The following CNTNAP2 variants were observed in gnomAD, a reference collection of about 807,000 sequenced individuals.
CNTNAP2 encodes contactin-associated protein-like 2.
CNTNAP2 carries 98 observed loss-of-function variants against 155.2 expected under a neutral mutation model. The ratio of observed to expected loss-of-function variants is 0.63; its 90% CI spans 0.54 to 0.75. CNTNAP2 has a LOEUF of 0.75. Among genes scored for constraint, CNTNAP2 ranks in the 30% least tolerant of loss-of-function variants. CNTNAP2 has a pLI of 0.00. For synonymous variants in CNTNAP2, 651 were observed against 631.2 expected, an observed-to-expected ratio of 1.03 and a Z score of -0.47; for missense variants, 1,727 against 1,688.1, an observed-to-expected ratio of 1.02 and a Z score of -0.40.
At chr7:147,378,197 T>C (rs1221816620) in intron 9 of CNTNAP2, 3 of 296,834 alleles carry the variant, frequency 1.0e-5, no homozygotes, top group African/African-American at 6.8e-5. Flanking sequence ...ACATTGTCGA[T>C]ATTCAATCTA....
intron 13 of CNTNAP2, among the ~76,000 whole-genome samples, chr7:147,735,304 C>T (rs190680722): frequency 2.8e-3 from 431 of 152,124 alleles, no homozygotes; most frequent in African/African-American, 9.9e-3. Context: ...AGGAGCAGGT[C>T]GTTCAGTTTC....
chr7:146,550,399 C>CTTTTTTTT (rs1584977002), intron 1 of CNTNAP2, among the ~76,000 whole-genome samples: 3 of 31,558 alleles, frequency 9.5e-5, no homozygotes, highest in African/African-American at 4.4e-4. Context: ...GTCCATTAAT[C>CTTTTTTTT]TGTTTTTTTT....
intron 8 of CNTNAP2, among the ~76,000 whole-genome samples, chr7:147,186,991 G>T (rs1802579861): frequency 1.0e-5 from 1 of 99,794 alleles, no homozygotes; most frequent in African/African-American, 2.7e-5. Flanking sequence ...AGAATGAGTG[G>T]AGCCTAAACA....
intron 21 of CNTNAP2, among the ~76,000 whole-genome samples, chr7:148,274,967 A>T (rs1796847106): frequency 6.6e-6 from 1 of 152,242 alleles, no homozygotes; most frequent in Non-Finnish European, 1.5e-5. Flanking sequence ...TCTCTGCTGC[A>T]TAGTATGTGT....
intron 16 of CNTNAP2, among the ~76,000 whole-genome samples, chr7:148,120,522 C>T (rs1328026406): frequency 6.6e-6 from 1 of 152,092 alleles, no homozygotes; most frequent in Non-Finnish European, 1.5e-5. Context: ...CTGCCTTGAC[C>T]TCCCAAAGTG....
intron 3 of CNTNAP2, among the ~76,000 whole-genome samples, chr7:146,931,636 A>G (rs1796760139): frequency 6.6e-6 from 1 of 151,224 alleles, no homozygotes; most frequent in African/African-American, 2.4e-5. Flanking sequence ...CAAAAAATTA[A>G]TGAATCCAGG....
chr7:146,304,340 A>G (rs1800669190), intron 1 of CNTNAP2, among the ~76,000 whole-genome samples: 1 of 151,968 alleles, frequency 6.6e-6, no homozygotes, highest in Non-Finnish European at 1.5e-5. Context: ...TTTGCTCGTT[A>G]GTTGATGCAA....
At chr7:146,598,985 T>A (rs1356687576) in intron 1 of CNTNAP2, among the ~76,000 whole-genome samples, 1 of 152,110 alleles carries the variant, frequency 6.6e-6, no homozygotes, top group Non-Finnish European at 1.5e-5. Flanking sequence ...TCTCATTAAC[T>A]GACAATTCCA....
intron 3 of CNTNAP2, among the ~76,000 whole-genome samples, chr7:146,961,225 T>C (rs939226115): frequency 2.0e-5 from 3 of 152,162 alleles, no homozygotes; most frequent in African/African-American, 7.2e-5. Context: ...TTGTCAGTTA[T>C]CAGCTAGTAG....
At chr7:147,460,190 A>G (rs1797997166) in intron 10 of CNTNAP2, among the ~76,000 whole-genome samples, 1 of 152,132 alleles carries the variant, frequency 6.6e-6, no homozygotes, top group Non-Finnish European at 1.5e-5. Context: ...GAGAGCGGCC[A>G]GGACCCCATT....
At chr7:148,024,179 A>AAG (rs71188940) in intron 15 of CNTNAP2, among the ~76,000 whole-genome samples, 98 of 150,254 alleles carry the variant, frequency 6.5e-4, no homozygotes, top group African/African-American at 2.2e-3. Context: ...AAAAAAAAAA[A>AAG]CTTTATAACA....
chr7:148,336,680 A>T (rs1798121865), intron 21 of CNTNAP2, among the ~76,000 whole-genome samples: 1 of 152,374 alleles, frequency 6.6e-6, no homozygotes, highest in African/African-American at 2.4e-5. Context: ...AAATAATTTA[A>T]TGCCATAGAA....
intron 1 of CNTNAP2, among the ~76,000 whole-genome samples, chr7:146,703,766 G>A (rs867237544): frequency 9.9e-5 from 15 of 152,056 alleles, no homozygotes; most frequent in Admixed American, 7.9e-4. Flanking sequence ...ACCTCCCAAA[G>A]GTCCCACCTT....
At chr7:148,340,642 T>C (rs1446803400) in intron 21 of CNTNAP2, among the ~76,000 whole-genome samples, 1 of 152,254 alleles carries the variant, frequency 6.6e-6, no homozygotes, top group Non-Finnish European at 1.5e-5. Context: ...CTTCAGACGT[T>C]CACAGCTTTC....
intron 15 of CNTNAP2, among the ~76,000 whole-genome samples, chr7:148,102,014 C>T (rs1804111856): frequency 6.6e-6 from 1 of 152,148 alleles, no homozygotes; most frequent in South Asian, 2.1e-4. Flanking sequence ...GGTACAGGTG[C>T]AGGTTTGTTA....
chr7:147,501,427 G>A (rs1798809648), intron 11 of CNTNAP2, among the ~76,000 whole-genome samples: 1 of 152,100 alleles, frequency 6.6e-6, no homozygotes, highest in South Asian at 2.1e-4. Context: ...AAATCCAAAA[G>A]GAAGAAGTTA....
chr7:147,800,107 C>T (rs76927612), intron 13 of CNTNAP2, among the ~76,000 whole-genome samples: 4,971 of 152,236 alleles, frequency 0.033, 136 homozygotes, highest in Non-Finnish European at 0.052. Context: ...AGTGCCATTG[C>T]TTGTGGCAAT....
At chr7:147,703,243 A>C (rs1404732695) in intron 13 of CNTNAP2, among the ~76,000 whole-genome samples, 1 of 152,118 alleles carries the variant, frequency 6.6e-6, no homozygotes, top group East Asian at 1.9e-4. Context: ...AAAACTGACA[A>C]CTAAAGCAAG....
intron 1 of CNTNAP2, among the ~76,000 whole-genome samples, chr7:146,233,606 C>G (rs1316252920): frequency 6.6e-6 from 1 of 152,092 alleles, no homozygotes; most frequent in Non-Finnish European, 1.5e-5. Context: ...CTAAAGCTAT[C>G]CCTCCCCCTT....
Sources: allele counts gnomAD v4.1 joint callset (sites outside exome capture counted in the v4.1 genomes callset), GRCh38; gene constraint gnomAD v4.1.1; transcripts MANE v1.5; gene names NCBI Gene and HGNC (gene_info 2026-07-23, HGNC 2026-07-21).